LMAN1: variants seen among roughly 807,000 people sequenced by gnomAD.
LMAN1 encodes lectin, mannose binding 1.
LMAN1 carries 32 observed loss-of-function variants against 67.8 expected under a neutral mutation model. The observed-to-expected ratio is 0.47, with a 90% CI of 0.36 to 0.63. The LOEUF (loss-of-function observed/expected upper bound fraction) is 0.63, where lower values mean the gene tolerates loss of function less well. Among genes scored for constraint, LMAN1 ranks in the 30% least tolerant of loss-of-function variants. The pLI, the probability that LMAN1 is intolerant of heterozygous loss-of-function variation, is 0.00. For synonymous variants in LMAN1, 235 were observed against 219.3 expected (o/e 1.07, Z -0.63); for missense variants, 632 against 628.2 (o/e 1.01, Z -0.06).
At chr18:59,344,360 A>C (rs896233681) in intron 8 of LMAN1, among the ~76,000 whole-genome samples, 3 of 152,176 alleles carry the variant, frequency 2.0e-5, no homozygotes, top group Admixed American at 2.0e-4. Context: ...TTGCAGCCCT[A>C]TTTACAATAG....
chr18:59,343,573 G>A (rs941579583), intron 8 of LMAN1, among the ~76,000 whole-genome samples: 3 of 151,976 alleles, frequency 2.0e-5, no homozygotes, highest in African/African-American at 4.8e-5. Flanking sequence ...TTCAATAAAC[G>A]GTGCAGAAAA....
At chr18:59,347,024 A>G (rs1908425113) in intron 7 of LMAN1, among the ~76,000 whole-genome samples, 1 of 151,838 alleles carries the variant, frequency 6.6e-6, no homozygotes, top group Non-Finnish European at 1.5e-5. Flanking sequence ...AGGTCAGGAG[A>G]TCGAGACCAT....
intron 6 of LMAN1, among the ~76,000 whole-genome samples, chr18:59,348,443 T>C (rs1015898348): frequency 1.3e-5 from 2 of 152,232 alleles, no homozygotes; most frequent in East Asian, 1.9e-4. Context: ...TCTTCAGAAA[T>C]TTCTTTCACC....
chr18:59,336,567 A>G (rs1257321519), intron 10 of LMAN1, among the ~76,000 whole-genome samples: 1 of 152,214 alleles, frequency 6.6e-6, no homozygotes, highest in Non-Finnish European at 1.5e-5. Context: ...CAATGAACAA[A>G]TATGGAGGGA....
intron 11 of LMAN1, 27 bp from the exon 12 acceptor site, chr18:59,331,566 A>C (rs2070748058): frequency 6.2e-7 from 1 of 1,611,402 alleles, no homozygotes; most frequent in African/African-American, 1.3e-5. Flanking sequence ...TTTCTATTAC[A>C]GTTAGTCAAA....
rs1043325 is a variant in LMAN1 at position 59,329,953 on chromosome 18, T to A, written c.*1140A>T. 6.6e-6 allele frequency: 1 copy of A among 152,140 alleles called. No individual in the cohort carries two copies. Among genetic ancestry groups the A allele is most frequent in the Admixed American group, 6.6e-5 (1 of 15,258 alleles). The allele number at this position is 152,140 out of a possible 1,614,324, so 9.4% of individuals were successfully genotyped here. On this transcript the variant is annotated 3_prime_UTR_variant, in exon 13 of 13. Transcript: ENST00000251047. ...ATTTACAGACTGTTTCTGTAATACC[T>A]AGAAGTATGCACAAAGACTATAAAA...
Position 59,345,964 on chromosome 18 carries a change from T to C in LMAN1, c.910A>G (p.Lys304Glu). ...GGGTGGCCCTTCTGGAATTCCTCTTTTTTTTTATCCAATTCTTGTTGAAAG... is the reference window on the plus strand; with the variant it reads ...GGGTGGCCCTTCTGGAATTCCTCTTCTTTTTTATCCAATTCTTGTTGAAAG... ...EHFQQELDKK[K>E]EEFQKGHPDL... is the part of the protein sequence containing the mutation. Residue 304 changes from lysine (K) to glutamate (E), a missense_variant, in exon 8 of 13, where the codon AAA (lysine) becomes GAA (glutamate). Physicochemically the swap from Lys to Glu is moderately conservative, Grantham distance 56. Transcript: ENST00000251047. 6.2e-7 allele frequency: 1 copy of C among 1,614,018 alleles called. No homozygotes were observed. The highest frequency in any genetic ancestry group is 1.1e-5 in the South Asian group (1 of 91,074).
At chr18:59,350,634 A>G (rs1341172797) in intron 5 of LMAN1, among the ~76,000 whole-genome samples, 1 of 152,048 alleles carries the variant, frequency 6.6e-6, no homozygotes, top group Non-Finnish European at 1.5e-5. Flanking sequence ...AGCGGAGACT[A>G]CAGGCTCCCG....
chr18:59,345,784 A>C, intron 8 of LMAN1, 135 bp downstream of exon 8: 1 of 1,035,428 alleles, frequency 9.7e-7, no homozygotes, highest in East Asian at 2.4e-5. Flanking sequence ...TTGCTCCTAA[A>C]TTGTTTCCAG....
At chr18:59,342,051 T>A (rs959612197) in intron 8 of LMAN1, among the ~76,000 whole-genome samples, 1 of 152,030 alleles carries the variant, frequency 6.6e-6, no homozygotes, top group Admixed American at 6.6e-5. Context: ...TTTGAACACC[T>A]ATATGCTCAC....
chr18:59,350,467 CTTCA>C (rs1329923538), intron 5 of LMAN1, among the ~76,000 whole-genome samples: 1 of 152,054 alleles, frequency 6.6e-6, no homozygotes, highest in Admixed American at 6.6e-5. Flanking sequence ...CAGCATGAGT[CTTCA>C]TTGTCTAGTT....
intron 8 of LMAN1, among the ~76,000 whole-genome samples, chr18:59,342,490 C>G (rs1367633798): frequency 6.6e-6 from 1 of 152,086 alleles, no homozygotes; most frequent in African/African-American, 2.4e-5. Context: ...TGGGATTTAT[C>G]CCAGGGATGC....
chr18:59,337,060 A>C (rs1429240810), intron 10 of LMAN1, among the ~76,000 whole-genome samples: 1 of 151,348 alleles, frequency 6.6e-6, no homozygotes, highest in Non-Finnish European at 1.5e-5. Flanking sequence ...CTAACCACAA[A>C]GGGAAATACA....
chr18:59,356,177 C>T (rs1411577750), intron 1 of LMAN1, among the ~76,000 whole-genome samples: 5 of 152,126 alleles, frequency 3.3e-5, no homozygotes, highest in Non-Finnish European at 5.9e-5. Context: ...CTTCCATAAA[C>T]ACCCTAAAAG....
chr18:59,332,796 T>TTAAGCAATC lies in LMAN1; in HGVS notation c.1374+286_1374+294dup, dbSNP rs528675983. The stretch of plus-strand genomic sequence containing the variant: ...GAAAAATAGGCCAAAGAAATACACT[T>TTAAGCAATC]TAAGCAATCCATGGGTCAGAGAAGA... On this transcript the variant is annotated intron_variant, in intron 11 of 12. Transcript: ENST00000251047. 9.6e-3 allele frequency among the ~76,000 whole-genome samples: 1,468 copies of TTAAGCAATC among 152,218 alleles called. 30 individuals are homozygous for TTAAGCAATC. Among genetic ancestry groups the TTAAGCAATC allele is most frequent in the African/African-American group, 0.034 (1,397 of 41,526 alleles).
chr18:59,347,893 C>T (rs1189474600), intron 6 of LMAN1, among the ~76,000 whole-genome samples: 2 of 152,196 alleles, frequency 1.3e-5, no homozygotes, highest in East Asian at 1.9e-4. Flanking sequence ...CAAAAGAAGT[C>T]CAAACTCCTT....
At position 59,356,863 on chromosome 18, in the gene LMAN1, A is replaced by G. The variant is rs556161539; in HGVS notation, c.215-1205T>C. ...GATCAAATCAGAGAATGAAAGTGAA[A>G]GAACTCTGAGAGCTATAAAGGGTTA... On this transcript the variant is annotated intron_variant, in intron 1 of 12. Transcript: ENST00000251047. Among the ~76,000 whole-genome samples the G allele has an allele frequency of 3.3e-5, 5 of 152,358 alleles. No homozygotes were observed. The South Asian group carries it at 8.3e-4, about 25-fold the overall frequency.
chr18:59,341,245 G>A (rs993135258), intron 8 of LMAN1, among the ~76,000 whole-genome samples: 1 of 152,010 alleles, frequency 6.6e-6, no homozygotes, highest in Non-Finnish European at 1.5e-5. Context: ...GAGAAAAACA[G>A]TAATACAATA....
At chr18:59,344,114 T>C (rs1283279349) in intron 8 of LMAN1, among the ~76,000 whole-genome samples, 2 of 152,154 alleles carry the variant, frequency 1.3e-5, no homozygotes, top group African/African-American at 4.8e-5. Context: ...CAAGTCACAA[T>C]GGCCATTATT....
Sources: allele counts gnomAD v4.1 joint callset (sites outside exome capture counted in the v4.1 genomes callset), GRCh38; gene constraint gnomAD v4.1.1; transcripts MANE v1.5; gene names NCBI Gene and HGNC (gene_info 2026-07-23, HGNC 2026-07-21).